Variants in PDSS2 observed in about 807,000 individuals in gnomAD.
The protein encoded by PDSS2 is decaprenyl diphosphate synthase subunit 2.
A neutral mutation model predicts 44.5 loss-of-function variants in PDSS2; 31 were observed. The ratio of observed to expected loss-of-function variants is 0.70; its 90% CI spans 0.52 to 0.94. The LOEUF is 0.94. PDSS2 is among the 40% of genes least tolerant of loss of function. PDSS2 has a pLI of 0.00. For missense variants in PDSS2, 452 were observed against 482.2 expected, an observed-to-expected ratio of 0.94 and a Z score of 0.59; for synonymous variants, 157 against 180.3, an observed-to-expected ratio of 0.87 and a Z score of 1.03.
At chr6:107,194,094 G>C (rs895367504) in intron 6 of PDSS2, among the ~76,000 whole-genome samples, 1 of 152,126 alleles carries the variant, frequency 6.6e-6, no homozygotes. Context: ...TGGATGTCAC[G>C]ACTCTTAATG....
At chr6:107,204,998 G>C (rs1171730749) in intron 6 of PDSS2, among the ~76,000 whole-genome samples, 1 of 152,136 alleles carries the variant, frequency 6.6e-6, no homozygotes, top group Non-Finnish European at 1.5e-5. Context: ...GATAGAGGAT[G>C]ATATTAATAT....
chr6:107,180,057 A>G (rs746361831), intron 7 of PDSS2, among the ~76,000 whole-genome samples: 8 of 152,336 alleles, frequency 5.3e-5, no homozygotes, highest in Admixed American at 3.3e-4. Context: ...CTCAAAAACC[A>G]TAATTTTGGG....
chr6:107,276,851 C>G (rs1775801093), intron 2 of PDSS2, among the ~76,000 whole-genome samples: 5 of 152,174 alleles, frequency 3.3e-5, no homozygotes, highest in Admixed American at 1.3e-4. Context: ...CCTAATCTAG[C>G]CTCTTAGAGA....
chr6:107,365,271 T>G (rs547735916), intron 1 of PDSS2, among the ~76,000 whole-genome samples: 4 of 152,250 alleles, frequency 2.6e-5, no homozygotes, highest in South Asian at 4.1e-4. Flanking sequence ...TTTCTGTATT[T>G]TGCTAGAATT....
intron 3 of PDSS2, among the ~76,000 whole-genome samples, chr6:107,257,305 AG>A (rs1562413271): frequency 6.6e-6 from 1 of 151,988 alleles, no homozygotes; most frequent in African/African-American, 2.4e-5. Flanking sequence ...TTGGGGGCTG[AG>A]GTGGGAGGAT....
intron 7 of PDSS2, among the ~76,000 whole-genome samples, chr6:107,171,590 C>T (rs1484010592): frequency 6.6e-6 from 1 of 152,070 alleles, no homozygotes; most frequent in African/African-American, 2.4e-5. Flanking sequence ...AAGCTCACCA[C>T]AGCCTCAAAT....
At chr6:107,232,719 A>G (rs571703355) in intron 4 of PDSS2, among the ~76,000 whole-genome samples, 2 of 152,316 alleles carry the variant, frequency 1.3e-5, no homozygotes, top group Admixed American at 1.3e-4. Context: ...GAGCACTTGT[A>G]TTTCCAGTGC....
At chr6:107,243,518 T>C (rs1562402919) in intron 4 of PDSS2, among the ~76,000 whole-genome samples, 1 of 152,210 alleles carries the variant, frequency 6.6e-6, no homozygotes, top group Non-Finnish European at 1.5e-5. Context: ...AAAATTAACA[T>C]ATTTAATTGT....
intron 3 of PDSS2, among the ~76,000 whole-genome samples, chr6:107,249,404 A>C (rs1774737611): frequency 6.6e-6 from 1 of 152,198 alleles, no homozygotes; most frequent in Admixed American, 6.5e-5. Flanking sequence ...TGCAAAGACC[A>C]TTTTAACCAA....
intron 1 of PDSS2, among the ~76,000 whole-genome samples, chr6:107,391,905 G>GA (rs35494623): frequency 0.56 from 85,166 of 151,258 alleles, 25,892 homozygotes; most frequent in Non-Finnish European, 0.7. Flanking sequence ...TAAAAGGGGG[G>GA]AAAAATCACC....
intron 3 of PDSS2, among the ~76,000 whole-genome samples, chr6:107,272,208 C>A (rs1039208919): frequency 1.1e-4 from 16 of 151,952 alleles, no homozygotes; most frequent in African/African-American, 3.6e-4. Context: ...TGGGGATCTA[C>A]CAAATTCATC....
intron 7 of PDSS2, among the ~76,000 whole-genome samples, chr6:107,174,337 A>G (rs1465736465): frequency 1.3e-5 from 2 of 152,370 alleles, no homozygotes; most frequent in Non-Finnish European, 2.9e-5. Flanking sequence ...CCACTTATAA[A>G]TAAGAAAAGA....
At chr6:107,389,380 A>T (rs1779712603) in intron 1 of PDSS2, among the ~76,000 whole-genome samples, 1 of 152,234 alleles carries the variant, frequency 6.6e-6, no homozygotes, top group Admixed American at 6.5e-5. Flanking sequence ...TAATATTTTG[A>T]CTGTAAACAG....
intron 4 of PDSS2, among the ~76,000 whole-genome samples, chr6:107,244,863 TA>T (rs1485884091): frequency 6.6e-6 from 1 of 152,168 alleles, no homozygotes; most frequent in Non-Finnish European, 1.5e-5. Flanking sequence ...GAGCCCCTTA[TA>T]ATAGTATCTA....
intron 2 of PDSS2, among the ~76,000 whole-genome samples, chr6:107,285,859 G>C (rs1261229198): frequency 6.6e-6 from 1 of 152,188 alleles, no homozygotes; most frequent in Admixed American, 6.5e-5. Context: ...AGGATAGGGG[G>C]CTGGGCGCAC....
At chr6:107,277,123 C>T (rs927457970) in intron 2 of PDSS2, among the ~76,000 whole-genome samples, 5 of 152,186 alleles carry the variant, frequency 3.3e-5, no homozygotes, top group African/African-American at 1.2e-4. Context: ...TCCACATGTG[C>T]CCATTGAAAG....
chr6:107,377,649 A>G (rs1411708915), intron 1 of PDSS2, among the ~76,000 whole-genome samples: 2 of 152,178 alleles, frequency 1.3e-5, no homozygotes, highest in Non-Finnish European at 2.9e-5. Flanking sequence ...ATGTCCAACA[A>G]CGATAGACTG....
intron 7 of PDSS2, 112 bp downstream of exon 7, chr6:107,193,710 T>C (rs1430030784): frequency 1.7e-5 from 13 of 765,604 alleles, no homozygotes; most frequent in Non-Finnish European, 2.9e-5. Flanking sequence ...TAACAGGAAA[T>C]GTCCTTCAGC....
rs902415758 is a variant in PDSS2, at chr6:107,405,571, G to C, written c.296+53419C>G. The stretch of plus-strand genomic sequence containing the variant: ...CTCCACTTAAAAGATACAGAGGCCG[G>C]GCGCGGTGGCTCACGCCTGTAATCC... On this transcript the variant is annotated intron_variant, in intron 1 of 7. Coordinates refer to ENST00000369037, the MANE Select transcript of PDSS2 (RefSeq NM_020381.4). Among the ~76,000 whole-genome samples, 4 of 152,122 alleles carry C rather than the reference G, an allele frequency of 2.6e-5. 1 individual carries two copies. Among genetic ancestry groups the C allele is most frequent in the Middle Eastern group, 3.2e-3 (1 of 316 alleles).
Sources: gnomAD v4.1 joint callset for allele counts (sites outside exome capture counted in the v4.1 genomes callset) on GRCh38, gnomAD v4.1.1 for gene constraint, MANE v1.5 for transcripts, NCBI Gene and HGNC (gene_info 2026-07-23, HGNC 2026-07-21) for gene names.